The following MAP4K5 variants were observed in gnomAD, a reference collection of about 807,000 sequenced individuals.
The protein encoded by MAP4K5 is mitogen-activated protein kinase kinase kinase kinase 5, also known as MAPK/ERK kinase kinase kinase 5.
Under a neutral mutation model 135.6 loss-of-function variants are expected in MAP4K5, and 82 were observed. The ratio of observed to expected loss-of-function variants is 0.60; its 90% confidence interval spans 0.51 to 0.73. MAP4K5 has a LOEUF of 0.73. Among genes scored for constraint, MAP4K5 ranks in the 30% least tolerant of loss-of-function variants. MAP4K5 has a pLI of 0.00. For missense variants in MAP4K5, 907 were observed against 1,010.9 expected (o/e 0.90, Z 1.39); for synonymous variants, 347 against 335.0 (o/e 1.04, Z -0.39).
At chr14:50,472,397 A>G (rs989202001) in intron 9 of MAP4K5, 1 of 152,172 alleles carries the variant, frequency 6.6e-6, no homozygotes, top group East Asian at 1.9e-4. Context: ...AAAAAATTAT[A>G]CTGGAGAATA....
At chr14:50,459,954 G>C (rs1472755127) in intron 13 of MAP4K5, among the ~76,000 whole-genome samples, 2 of 151,950 alleles carry the variant, frequency 1.3e-5, no homozygotes, top group Non-Finnish European at 2.9e-5. Context: ...AGCCGCCTCA[G>C]CCTCCCACAG....
At chr14:50,512,268 C>T (rs187219923) in intron 2 of MAP4K5, among the ~76,000 whole-genome samples, 60 of 152,130 alleles carry the variant, frequency 3.9e-4, no homozygotes, top group African/African-American at 1.3e-3. Flanking sequence ...CATTTTCAGA[C>T]ACATTTATGA....
At chr14:50,548,941 T>C (rs1370208271) in intron 1 of MAP4K5, among the ~76,000 whole-genome samples, 4 of 152,138 alleles carry the variant, frequency 2.6e-5, no homozygotes, top group African/African-American at 9.7e-5. Context: ...AAAAACTGCC[T>C]ACCCCATAAA....
chr14:50,560,424 C>G, intron 1 of MAP4K5: 3 of 1,267,618 alleles, frequency 2.4e-6, no homozygotes, highest in Non-Finnish European at 3.3e-6. Context: ...GGAGACGGGC[C>G]GTAGCCGAGC....
Position 50,464,066 on chromosome 14 carries a change from C to A in MAP4K5, c.805G>T (p.Glu269Ter). ...TKNPKKRPTA[E>*]RLLTHTFVAQ... ...CAATGACTTACAGTCAGAAGTCTTT[C>A]AGCAGTTGGTCTTTTTTTTGGGTTT... Residue 269 changes from glutamate to a stop codon, truncating the protein, a stop_gained, in exon 12 of 33, where the codon GAA becomes TAA. Transcript: ENST00000682126. LOFTEE classifies it high-confidence loss of function. The A allele has an allele frequency of 1.9e-6, 3 of 1,543,004 alleles. No individual in the cohort carries two copies. Among genetic ancestry groups the A allele is most frequent in the Non-Finnish European group, 2.6e-6 (3 of 1,138,526 alleles).
At chr14:50,490,606 C>A (rs2037463107) in intron 3 of MAP4K5, among the ~76,000 whole-genome samples, 1 of 152,156 alleles carries the variant, frequency 6.6e-6, no homozygotes, top group Non-Finnish European at 1.5e-5. Context: ...TGTTTCTAAG[C>A]CACCTTCTGC....
At chr14:50,474,072 T>C (rs1464651773) in intron 9 of MAP4K5, among the ~76,000 whole-genome samples, 1 of 152,286 alleles carries the variant, frequency 6.6e-6, no homozygotes, top group East Asian at 1.9e-4. Context: ...CTTAAATTTC[T>C]TTTCAAATAA....
chr14:50,495,068 C>T (rs750421994), intron 3 of MAP4K5, among the ~76,000 whole-genome samples: 5 of 152,144 alleles, frequency 3.3e-5, no homozygotes, highest in Middle Eastern at 3.4e-3. Context: ...AAAAAACAGA[C>T]GAGACTACAA....
Position 50,475,168 on chromosome 14 carries a change from G to A in MAP4K5, c.470-19C>T, listed in dbSNP as rs2037067534. ...AAGTCAGCTAGTGAGGAAAAAAACA[G>A]AAAATTTTAGTTCTTTACAATACAC... On this transcript the variant is annotated intron_variant, in intron 8 of 32. Coordinates refer to ENST00000682126, the MANE Select transcript of MAP4K5 (RefSeq NM_006575.6). The A allele has an allele frequency of 6.2e-7, 1 of 1,604,690 alleles. No individual in the cohort carries two copies. The highest frequency in any genetic ancestry group is 1.3e-5 in the African/African-American group (1 of 74,750).
intron 28 of MAP4K5, among the ~76,000 whole-genome samples, chr14:50,433,248 T>C (rs994637223): frequency 2.6e-5 from 4 of 152,196 alleles, no homozygotes; most frequent in East Asian, 1.9e-4. Flanking sequence ...ACTTAAAGCA[T>C]TGATCAATAG....
chr14:50,532,707 A>C (rs1289972377), upstream of MAP4K5: 1 of 152,372 alleles, frequency 6.6e-6, no homozygotes, highest in Non-Finnish European at 1.5e-5. Flanking sequence ...TGCCGCCCTG[A>C]GGCCTGCTGA....
At chr14:50,458,778 C>T (rs1354801136) in intron 13 of MAP4K5, among the ~76,000 whole-genome samples, 1 of 152,042 alleles carries the variant, frequency 6.6e-6, no homozygotes, top group Non-Finnish European at 1.5e-5. Context: ...TATCTAATCA[C>T]TCTCAAATTT....
rs370797053 is a variant in MAP4K5, at chr14:50,428,677, G to A, written c.2311C>T (p.Arg771Cys). ...KLASELSFDF[R>C]IESVVCLQDS... ...GGAAACTTACCTACAGATTCAATGC[G>A]AAAATCAAAACTTAACTCAGAGGCC... Residue 771 changes from arginine (R) to cysteine (C), a missense_variant, in exon 30 of 33, where the codon CGC becomes TGC. By Grantham distance (180) the Arg-to-Cys change is radical. Around this residue, in one of 3 missense-constraint regions of MAP4K5, gnomAD observed 690 missense variants for 777.4 expected, o/e 0.89. Transcript: ENST00000682126. The A allele has an allele frequency of 5.7e-5, 86 of 1,510,128 alleles. No homozygotes were observed. The highest frequency in any genetic ancestry group is 8.5e-5 in the African/African-American group (6 of 70,386). 93.5% of individuals were successfully genotyped at this position (1,510,128 alleles called of 1,614,324 possible). A position where few individuals can be genotyped will look rare whatever the true frequency, so the allele number is the denominator to read the frequency against.
Position 50,447,417 on chromosome 14 carries a change from C to A in MAP4K5, c.1139G>T (p.Gly380Val). The change falls in exon 16 of 33, where the codon GGC becomes GTC. Residue 380 changes from glycine to valine, a missense_variant. Coordinates refer to ENST00000682126, the MANE Select transcript of MAP4K5 (RefSeq NM_006575.6). ...ATTAAATTAGAAAACAACTTACTTGCCAGTATTTGCACCATCAACAAAAGG... is the reference window on the plus strand; with the variant it reads ...ATTAAATTAGAAAACAACTTACTTGACAGTATTTGCACCATCAACAAAAGG... ...WNPFVDGANT[G>V]KSTSKRAIPP... 1.3e-6 allele frequency: 2 copies of A among 1,538,040 alleles called. No individual in the cohort carries two copies. Among genetic ancestry groups the A allele is most frequent in the Middle Eastern group, 1.7e-4 (1 of 5,904 alleles).
chr14:50,490,594 C>T (rs1363469942), intron 3 of MAP4K5, among the ~76,000 whole-genome samples: 1 of 152,112 alleles, frequency 6.6e-6, no homozygotes, highest in Non-Finnish European at 1.5e-5. Flanking sequence ...TTTTCTGCCC[C>T]TTGTTTCTAA....
intron 9 of MAP4K5, among the ~76,000 whole-genome samples, chr14:50,470,944 A>C (rs1032551044): frequency 1.3e-5 from 2 of 152,214 alleles, no homozygotes; most frequent in African/African-American, 4.8e-5. Flanking sequence ...TATTGCTTAA[A>C]GTTTTTGATA....
chr14:50,550,635 A>T (rs938160724), intron 1 of MAP4K5, among the ~76,000 whole-genome samples: 1 of 152,380 alleles, frequency 6.6e-6, no homozygotes, highest in Non-Finnish European at 1.5e-5. Flanking sequence ...ACTAAAAGAT[A>T]TGTGCCCTTA....
At chr14:50,434,766 G>A (rs917944099) in intron 27 of MAP4K5, among the ~76,000 whole-genome samples, 195 bp from the exon 28 acceptor site, 1 of 152,224 alleles carries the variant, frequency 6.6e-6, no homozygotes, top group East Asian at 1.9e-4. Flanking sequence ...TAATCTTTAT[G>A]ACTGATGGTT....
intron 9 of MAP4K5, among the ~76,000 whole-genome samples, chr14:50,474,820 T>A (rs1027588617): frequency 6.6e-6 from 1 of 152,188 alleles, no homozygotes; most frequent in African/African-American, 2.4e-5. Flanking sequence ...GCAAATCTTT[T>A]GAAAATTTCA....
Sources: gnomAD v4.1 joint callset for allele counts (sites outside exome capture counted in the v4.1 genomes callset) on GRCh38, gnomAD v4.1.1 for gene constraint, gnomAD v4.1.1 regional missense constraint, MANE v1.5 for transcripts, NCBI Gene and HGNC (gene_info 2026-07-23, HGNC 2026-07-21) for gene names.